The following MIS18A variants were observed in gnomAD, a reference collection of about 807,000 sequenced individuals.
MIS18A encodes the protein protein Mis18-alpha.
A neutral mutation model predicts 25.0 loss-of-function variants in MIS18A; 14 were observed. That is an observed-to-expected ratio of 0.56 (90% CI 0.37 to 0.88). The LOEUF (loss-of-function observed/expected upper bound fraction) is 0.88. Ranked by LOEUF, MIS18A falls within the 40% of genes least tolerant of loss-of-function variation. The pLI is 0.00. For synonymous variants in MIS18A, 134 were observed against 118.6 expected (o/e 1.13, Z -0.84); for missense variants, 292 against 290.8 (o/e 1.00, Z -0.03).
chr21:32,198,557 A>T, the MIS18A span, among the ~76,000 whole-genome samples: 1 of 152,200 alleles, frequency 6.6e-6, no homozygotes, highest in Non-Finnish European at 1.5e-5. Context: ...CCGGGCCCGA[A>T]GCACTAGGCA....
chr21:32,193,430 A>T, the MIS18A span, among the ~76,000 whole-genome samples: 1 of 152,158 alleles, frequency 6.6e-6, no homozygotes, highest in Non-Finnish European at 1.5e-5. Flanking sequence ...CATTTTACCA[A>T]AGTTCAAGCA....
At chr21:32,273,320 GC>G (rs1396634692) in intron 2 of MIS18A, among the ~76,000 whole-genome samples, 1 of 151,896 alleles carries the variant, frequency 6.6e-6, no homozygotes. Context: ...ATAATCTCTA[GC>G]CCCTCTGCCC....
At chr21:32,241,368 T>TAA in the MIS18A span, among the ~76,000 whole-genome samples, 115 of 88,364 alleles carry the variant, frequency 1.3e-3, no homozygotes, top group Middle Eastern at 0.018. Context: ...TAGCTGACAA[T>TAA]AAAAAAAAAA....
In MIS18A at chr21:32,279,044, C is replaced by G; in HGVS notation, c.-30G>C. The G allele has an allele frequency of 3.2e-6, 5 of 1,558,372 alleles. No homozygotes were observed. Among genetic ancestry groups the G allele is most frequent in the Non-Finnish European group, 4.3e-6 (5 of 1,155,798 alleles). ...TACAAATCGCCCGCGCCCCAGAGCG[C>G]CATGGGAAAAAAAACCGCCGCTGCT... On this transcript the variant is annotated 5_prime_UTR_variant, in exon 1 of 5. Coordinates refer to ENST00000290130, the MANE Select transcript of MIS18A (RefSeq NM_018944.3).
At chr21:32,206,849 G>A in the MIS18A span, among the ~76,000 whole-genome samples, 3 of 152,188 alleles carry the variant, frequency 2.0e-5, no homozygotes, top group African/African-American at 2.4e-5. Flanking sequence ...TGAATGCCCC[G>A]CTGTCTCTAG....
the MIS18A span, among the ~76,000 whole-genome samples, chr21:32,175,550 C>T: frequency 6.7e-6 from 1 of 150,360 alleles, no homozygotes; most frequent in Admixed American, 6.6e-5. Context: ...TGGCTCACTC[C>T]TGTAATCCCA....
intron 2 of MIS18A, among the ~76,000 whole-genome samples, chr21:32,273,405 GC>G (rs967979354): frequency 6.6e-6 from 1 of 151,888 alleles, no homozygotes; most frequent in African/African-American, 2.4e-5. Flanking sequence ...GGTCCTTCTG[GC>G]CCCCAATCCT....
At chr21:32,245,962 C>T in the MIS18A span, among the ~76,000 whole-genome samples, 3 of 152,132 alleles carry the variant, frequency 2.0e-5, no homozygotes, top group Non-Finnish European at 4.4e-5. Context: ...GGCATCTGCT[C>T]GGCTTCTGGA....
chr21:32,278,749 C>T lies in MIS18A; in HGVS notation c.266G>A (p.Arg89Gln). 1 of 1,577,282 alleles carries T rather than the reference C, an allele frequency of 6.3e-7. No homozygotes were observed. Among genetic ancestry groups the T allele is most frequent in the Non-Finnish European group, 8.6e-7 (1 of 1,167,770 alleles). ...GCTCAGCGAGTCGCCCAGCGGCCGCCGGCAGCCGGAGCACAGGAACACCAG... is the reference window on the plus strand; with the variant it reads ...GCTCAGCGAGTCGCCCAGCGGCCGCTGGCAGCCGGAGCACAGGAACACCAG... ...RPLVFLCSGC[R>Q]RPLGDSLSWV... Residue 89 changes from arginine to glutamine, a missense_variant, in exon 1 of 5, where the codon CGG becomes CAG. Arg to Gln is a conservative substitution (Grantham distance 43). Coordinates refer to ENST00000290130, the MANE Select transcript of MIS18A (RefSeq NM_018944.3).
chr21:32,192,687 C>T, the MIS18A span, among the ~76,000 whole-genome samples: 3 of 152,220 alleles, frequency 2.0e-5, no homozygotes, highest in Non-Finnish European at 2.9e-5. Flanking sequence ...GGAATATCAA[C>T]GCTTCACTTC....
chr21:32,193,480 G>GTAGA, the MIS18A span, among the ~76,000 whole-genome samples: 7,164 of 138,006 alleles, frequency 0.052, 196 homozygotes, highest in African/African-American at 0.075. Flanking sequence ...AGATAGATAG[G>GTAGA]TAGATAGATA....
the MIS18A span, among the ~76,000 whole-genome samples, chr21:32,242,711 T>G: frequency 1.7e-3 from 257 of 152,346 alleles, 2 homozygotes; most frequent in African/African-American, 4.4e-3. Context: ...GGTCCTGTGC[T>G]GGGCTTATCA....
the MIS18A span, among the ~76,000 whole-genome samples, chr21:32,232,354 A>G: frequency 6.6e-6 from 1 of 151,476 alleles, no homozygotes; most frequent in Non-Finnish European, 1.5e-5. Flanking sequence ...GCCTACCACA[A>G]TATATGTATC....
chr21:32,215,629 G>A, the MIS18A span, among the ~76,000 whole-genome samples: 1 of 152,076 alleles, frequency 6.6e-6, no homozygotes, highest in African/African-American at 2.4e-5. Context: ...GCTGAACATA[G>A]GTATCTTCTT....
At chr21:32,276,140 CAA>C (rs142113856) in intron 1 of MIS18A, among the ~76,000 whole-genome samples, 10 of 152,262 alleles carry the variant, frequency 6.6e-5, no homozygotes, top group Non-Finnish European at 1.5e-4. Context: ...CTGTCAAAAG[CAA>C]AGAGCGTGAC....
At chr21:32,180,594 T>C in the MIS18A span, among the ~76,000 whole-genome samples, 1 of 152,196 alleles carries the variant, frequency 6.6e-6, no homozygotes, top group South Asian at 2.1e-4. Context: ...ATGAGTGAAG[T>C]TGGTTGATCA....
chr21:32,167,636 G>A, the MIS18A span, among the ~76,000 whole-genome samples: 3 of 152,140 alleles, frequency 2.0e-5, no homozygotes, highest in Non-Finnish European at 4.4e-5. Flanking sequence ...GTACCACACA[G>A]TGAAAGACTT....
chr21:32,178,214 C>T, the MIS18A span, among the ~76,000 whole-genome samples: 1 of 152,106 alleles, frequency 6.6e-6, no homozygotes, highest in Non-Finnish European at 1.5e-5. Context: ...GCCACAGCAA[C>T]TCATTTCCAG....
At chr21:32,156,650 T>C in the MIS18A span, 1 of 152,246 alleles carries the variant, frequency 6.6e-6, no homozygotes, top group Admixed American at 6.5e-5. Flanking sequence ...ATTTTTATGT[T>C]CTGGTCCCAG....
Sources: allele counts gnomAD v4.1 joint callset (sites outside exome capture counted in the v4.1 genomes callset), GRCh38; gene constraint gnomAD v4.1.1; transcripts MANE v1.5; gene names NCBI Gene and HGNC (gene_info 2026-07-23, HGNC 2026-07-21).